Variants in GPD2 observed in about 807,000 individuals in gnomAD.
GPD2 encodes the protein glycerol-3-phosphate dehydrogenase, mitochondrial.
In GPD2, 54 loss-of-function variants were observed where a neutral mutation model predicts 82.4. The ratio of observed to expected loss-of-function variants is 0.66; its 90% CI spans 0.53 to 0.82. The LOEUF is 0.82. Among genes scored for constraint, GPD2 ranks in the 40% least tolerant of loss-of-function variants. The pLI, the probability that GPD2 is intolerant of heterozygous loss-of-function variation, is 0.00. For missense variants in GPD2, 748 were observed against 896.2 expected (o/e 0.83, Z 2.11); for synonymous variants, 288 against 306.1 (o/e 0.94, Z 0.62).
intron 2 of GPD2, among the ~76,000 whole-genome samples, chr2:156,490,205 C>T (rs1218469735): frequency 6.6e-6 from 1 of 151,726 alleles, no homozygotes; most frequent in African/African-American, 2.4e-5. Flanking sequence ...TTTTATTTCC[C>T]CTCAATCAAC....
chr2:156,550,726 T>C lies in GPD2; in HGVS notation c.951T>C (p.Ile317=), dbSNP rs530118849. 5 of 1,613,816 alleles carry C rather than the reference T, an allele frequency of 3.1e-6. No homozygotes were observed. The East Asian group carries it at 6.7e-5, about 22-fold the overall frequency. The part of the protein sequence containing the change: ...AICQPSAGVH[I]VMPGYYSPES... ...GCCAGCCAAGTGCTGGTGTCCATAT[T>C]GTGATGCCTGGTTATTACAGGTAAT... The change falls in exon 8 of 17, where the codon ATT becomes ATC. Residue 317 remains isoleucine, a synonymous_variant. Transcript: ENST00000438166.
intron 1 of GPD2, 139 bp downstream of exon 1, chr2:156,436,652 T>G (rs1681935765): frequency 6.6e-6 from 1 of 152,230 alleles, no homozygotes; most frequent in Non-Finnish European, 1.5e-5. Flanking sequence ...ATTTAGAATT[T>G]CTTCCCACCA....
intron 2 of GPD2, among the ~76,000 whole-genome samples, chr2:156,479,927 C>T (rs890824995): frequency 7.2e-5 from 11 of 152,066 alleles, no homozygotes; most frequent in Admixed American, 5.2e-4. Context: ...CTTAGTACTG[C>T]GATATAAGCA....
chr2:156,561,162 C>T (rs1305601246), intron 9 of GPD2, among the ~76,000 whole-genome samples: 1 of 149,114 alleles, frequency 6.7e-6, no homozygotes, highest in African/African-American at 2.5e-5. Flanking sequence ...ATTCTCCTGC[C>T]TCAGCCTCCT....
Position 156,506,589 on chromosome 2 carries a change from TA to T in GPD2, c.275-4193del, listed in dbSNP as rs546400674. On this transcript the variant is annotated intron_variant, in intron 3 of 16. Transcript: ENST00000438166. ...CTCACACTCTGTCAATTTGGGAAAT[TA>T]AAAAAAAAAAAAATCCATCCTGACA... Among the ~76,000 whole-genome samples, 800 of 143,324 alleles carry T rather than the reference TA, an allele frequency of 5.6e-3. 1 individual carries two copies. Among genetic ancestry groups the T allele is most frequent in the Admixed American group, 4.5e-3 (64 of 14,362 alleles). The allele number at this position is 143,324 out of a possible 152,430, so 94.0% of individuals were successfully genotyped here. A position where few individuals can be genotyped will look rare whatever the true frequency, so the allele number is the denominator to read the frequency against.
intron 6 of GPD2, among the ~76,000 whole-genome samples, chr2:156,541,981 TG>T (rs3835846): frequency 0.66 from 99,510 of 151,686 alleles, 33,273 homozygotes; most frequent in Middle Eastern, 0.81. Context: ...TGTTTAAATG[TG>T]GTTTCATTTT....
At chr2:156,475,318 C>A (rs951706011) in intron 1 of GPD2, among the ~76,000 whole-genome samples, 1 of 152,032 alleles carries the variant, frequency 6.6e-6, no homozygotes, top group Non-Finnish European at 1.5e-5. Flanking sequence ...CCTCTGACTT[C>A]TTATCTGTAA....
chr2:156,406,246 T>C, the GPD2 span, among the ~76,000 whole-genome samples: 335 of 152,272 alleles, frequency 2.2e-3, 2 homozygotes, highest in East Asian at 0.014. Flanking sequence ...AGGATTAAAA[T>C]CAAGGCATGG....
chr2:156,576,849 A>G (rs1439417771), intron 13 of GPD2, among the ~76,000 whole-genome samples: 1 of 152,192 alleles, frequency 6.6e-6, no homozygotes, highest in Non-Finnish European at 1.5e-5. Flanking sequence ...TGGCATTTCC[A>G]AGGAGATGGA....
intron 1 of GPD2, among the ~76,000 whole-genome samples, chr2:156,467,099 A>AT (rs372501557): frequency 1.8e-3 from 270 of 147,064 alleles, no homozygotes; most frequent in East Asian, 4.0e-3. Context: ...TTGTTTCATG[A>AT]TTTTTTTTTT....
intron 8 of GPD2, among the ~76,000 whole-genome samples, chr2:156,554,006 A>G (rs968904422): frequency 1.3e-5 from 2 of 152,110 alleles, no homozygotes; most frequent in Admixed American, 6.6e-5. Context: ...ATCCTGTTGG[A>G]AGCTTTGAAG....
intron 13 of GPD2, among the ~76,000 whole-genome samples, chr2:156,575,991 T>C (rs1654745596): frequency 6.6e-6 from 1 of 152,230 alleles, no homozygotes. Flanking sequence ...TGTTTGATGA[T>C]GGATTGAAAC....
intron 1 of GPD2, among the ~76,000 whole-genome samples, chr2:156,443,794 A>G (rs938655096): frequency 1.3e-5 from 2 of 152,136 alleles, no homozygotes; most frequent in African/African-American, 4.8e-5. Flanking sequence ...CCTTCTCTTC[A>G]CCAATTTCTC....
chr2:156,557,921 A>G (rs1186282005), intron 9 of GPD2, among the ~76,000 whole-genome samples: 1 of 152,232 alleles, frequency 6.6e-6, no homozygotes, highest in Non-Finnish European at 1.5e-5. Context: ...GGAATGTCTA[A>G]TTTACAGATG....
At chr2:156,409,403 T>C in the GPD2 span, among the ~76,000 whole-genome samples, 1 of 152,164 alleles carries the variant, frequency 6.6e-6, no homozygotes, top group Admixed American at 6.6e-5. Context: ...ACAACAATAA[T>C]AGTAGAAAGT....
intron 1 of GPD2, among the ~76,000 whole-genome samples, chr2:156,445,323 C>T (rs1682333187): frequency 1.3e-5 from 2 of 152,254 alleles, no homozygotes; most frequent in South Asian, 4.1e-4. Flanking sequence ...GTTTTAAAAA[C>T]AATAGAATCG....
intron 6 of GPD2, among the ~76,000 whole-genome samples, chr2:156,546,185 G>T (rs1399990147): frequency 6.6e-6 from 1 of 152,202 alleles, no homozygotes; most frequent in Non-Finnish European, 1.5e-5. Context: ...TCCCGTCTGG[G>T]TCCTTGTGTA....
At chr2:156,547,838 G>T (rs1229244217) in intron 6 of GPD2, among the ~76,000 whole-genome samples, 1 of 152,098 alleles carries the variant, frequency 6.6e-6, no homozygotes, top group Non-Finnish European at 1.5e-5. Context: ...GTTTTCTAAA[G>T]GAACTATCAT....
intron 1 of GPD2, among the ~76,000 whole-genome samples, chr2:156,451,495 G>A (rs1457100559): frequency 3.3e-5 from 2 of 61,416 alleles, no homozygotes; most frequent in Admixed American, 1.8e-4. Context: ...CCTCCCGGAA[G>A]GGGCGGCTGG....
Sources: gnomAD v4.1 joint callset for allele counts (sites outside exome capture counted in the v4.1 genomes callset) on GRCh38, gnomAD v4.1.1 for gene constraint, MANE v1.5 for transcripts, NCBI Gene and HGNC (gene_info 2026-07-23, HGNC 2026-07-21) for gene names.